STOX2: variants seen among roughly 807,000 people sequenced by gnomAD.
The protein encoded by STOX2 is storkhead box 2, also known as storkhead-box protein 2.
STOX2 carries 28 observed loss-of-function variants against 60.9 expected under a neutral mutation model. The ratio of observed to expected loss-of-function variants is 0.46; its 90% confidence interval spans 0.34 to 0.63. STOX2 has a LOEUF of 0.63. STOX2 is among the 30% of genes least tolerant of loss of function. The pLI is 0.01. For synonymous variants in STOX2, 472 were observed against 463.9 expected (o/e 1.02, Z -0.22); for missense variants, 1,024 against 1,187.7 (o/e 0.86, Z 2.03).
chr4:184,002,217 G>GTA (rs147759506), intron 2 of STOX2, among the ~76,000 whole-genome samples: 4,032 of 152,302 alleles, frequency 0.026, 60 homozygotes, highest in Admixed American at 0.062. Flanking sequence ...TTGTGTGTGT[G>GTA]TATATGTTTT....
intron 1 of STOX2, among the ~76,000 whole-genome samples, chr4:183,807,590 C>A (rs1276027574): frequency 6.6e-6 from 1 of 152,166 alleles, no homozygotes; most frequent in Admixed American, 6.5e-5. Context: ...TTTATCTCTG[C>A]GGCCTTCACA....
At chr4:183,969,626 G>GTT (rs36043193) in intron 1 of STOX2, among the ~76,000 whole-genome samples, 4,792 of 148,076 alleles carry the variant, frequency 0.032, 280 homozygotes, top group African/African-American at 0.11. Context: ...GGGTTGCAGG[G>GTT]TTTTTTTTTT....
intron 1 of STOX2, among the ~76,000 whole-genome samples, chr4:183,985,429 G>A (rs1405048934): frequency 6.6e-6 from 1 of 152,116 alleles, no homozygotes; most frequent in East Asian, 1.9e-4. Flanking sequence ...AGCTGCCTTG[G>A]GTTGAAATCC....
intron 1 of STOX2, among the ~76,000 whole-genome samples, chr4:183,850,859 A>G (rs1225355124): frequency 6.6e-6 from 1 of 151,708 alleles, no homozygotes; most frequent in Non-Finnish European, 1.5e-5. Context: ...GATGAGGGAA[A>G]GGATGAGGGA....
intron 1 of STOX2, among the ~76,000 whole-genome samples, chr4:183,944,468 C>T (rs1742834736): frequency 6.6e-6 from 1 of 152,208 alleles, no homozygotes; most frequent in Admixed American, 6.5e-5. Flanking sequence ...GTAATCCCAG[C>T]ACTTTGGGAG....
At chr4:183,955,699 T>G (rs1743225029) in intron 1 of STOX2, among the ~76,000 whole-genome samples, 1 of 152,202 alleles carries the variant, frequency 6.6e-6, no homozygotes, top group South Asian at 2.1e-4. Context: ...CTGGGAATAT[T>G]AATTTTGGGA....
chr4:183,881,937 C>T (rs1028726526), intron 1 of STOX2, among the ~76,000 whole-genome samples: 1 of 152,144 alleles, frequency 6.6e-6, no homozygotes, highest in African/African-American at 2.4e-5. Flanking sequence ...TTAAAAGTAA[C>T]GTATTTCGAC....
chr4:183,952,292 T>C (rs1743119396), intron 1 of STOX2, among the ~76,000 whole-genome samples: 1 of 152,254 alleles, frequency 6.6e-6, no homozygotes, highest in African/African-American at 2.4e-5. Flanking sequence ...CCAGGATTCA[T>C]ATACTATTCT....
chr4:183,939,530 A>G (rs4862271), intron 1 of STOX2, among the ~76,000 whole-genome samples: 151,527 of 152,312 alleles, frequency 0.99, 75,379 homozygotes, highest in Middle Eastern at 1. Context: ...ACATTCACAG[A>G]TGCTGGGGGT....
intron 1 of STOX2, among the ~76,000 whole-genome samples, chr4:183,849,313 G>A (rs73870922): frequency 1.9e-3 from 297 of 152,322 alleles, no homozygotes; most frequent in African/African-American, 6.3e-3. Flanking sequence ...GCTACTGGGT[G>A]CAAGACCCCA....
chr4:183,938,683 A>G (rs1233062105), intron 1 of STOX2, among the ~76,000 whole-genome samples: 1 of 152,000 alleles, frequency 6.6e-6, no homozygotes, highest in East Asian at 1.9e-4. Context: ...AAAAAAAAAA[A>G]AAAAAAAAAA....
At chr4:183,901,520 C>A (rs1472480345), upstream of STOX2, among the ~76,000 whole-genome samples, 1 of 151,502 alleles carries the variant, frequency 6.6e-6, no homozygotes, top group African/African-American at 2.4e-5. Flanking sequence ...TACCATTTTG[C>A]TTGCCTACCA....
chr4:183,873,413 T>G (rs1740740001), intron 1 of STOX2, among the ~76,000 whole-genome samples: 1 of 133,884 alleles, frequency 7.5e-6, no homozygotes, highest in South Asian at 2.4e-4. Context: ...ACCATCACAC[T>G]CCAGCCTGGG....
chr4:183,882,689 G>A (rs1484212686), intron 1 of STOX2, among the ~76,000 whole-genome samples: 1 of 152,154 alleles, frequency 6.6e-6, no homozygotes, highest in Middle Eastern at 3.2e-3. Context: ...TTTTAAGCGG[G>A]CTTCATATTT....
At chr4:184,008,566 A>G (rs1192269242) in intron 2 of STOX2, among the ~76,000 whole-genome samples, 1 of 152,202 alleles carries the variant, frequency 6.6e-6, no homozygotes, top group Non-Finnish European at 1.5e-5. Context: ...CAGTTTCCAA[A>G]TGGAAGGCAA....
At chr4:183,888,815 T>G (rs756110329) in intron 1 of STOX2, among the ~76,000 whole-genome samples, 1 of 152,088 alleles carries the variant, frequency 6.6e-6, no homozygotes, top group Non-Finnish European at 1.5e-5. Flanking sequence ...CTTCATTCTT[T>G]TGGATGGTGC....
intron 1 of STOX2, among the ~76,000 whole-genome samples, chr4:183,829,774 C>T (rs774209437): frequency 6.6e-6 from 1 of 152,138 alleles, no homozygotes; most frequent in Middle Eastern, 3.2e-3. Context: ...CTAATGGATC[C>T]TGATTGTAAT....
At position 183,875,290 on chromosome 4, in the gene STOX2, G is replaced by A. The variant is rs76465676; in HGVS notation, c.364+77235G>A. 7.3e-3 allele frequency among the ~76,000 whole-genome samples: 1,115 copies of A among 152,052 alleles called. 9 individuals carry two copies. Among genetic ancestry groups the A allele is most frequent in the African/African-American group, 0.026 (1,084 of 41,454 alleles). ...GTCCTTCTTTCTCTCCCTTCCCTCCGCTTCCTCAAGGCTTTCATGGTAGGT... is the reference window on the plus strand; with the variant it reads ...GTCCTTCTTTCTCTCCCTTCCCTCCACTTCCTCAAGGCTTTCATGGTAGGT... On this transcript the variant is annotated intron_variant, in intron 1 of 2. Transcript: ENST00000513034.
chr4:183,970,187 T>C (rs1271136296), intron 1 of STOX2, among the ~76,000 whole-genome samples: 1 of 139,384 alleles, frequency 7.2e-6, no homozygotes, highest in Non-Finnish European at 1.6e-5. Context: ...TGTGTGGGGT[T>C]CCAGCTGAAT....
Sources: allele counts gnomAD v4.1 joint callset (sites outside exome capture counted in the v4.1 genomes callset), GRCh38; gene constraint gnomAD v4.1.1; transcripts MANE v1.5; gene names NCBI Gene and HGNC (gene_info 2026-07-23, HGNC 2026-07-21).